Variants in ESRRB observed in about 807,000 individuals in gnomAD.
ESRRB encodes the protein estrogen related receptor beta.
ESRRB carries 16 observed loss-of-function variants against 46.0 expected under a neutral mutation model. The observed-to-expected ratio is 0.35, with a 90% CI of 0.24 to 0.53. The LOEUF (loss-of-function observed/expected upper bound fraction) is 0.53, where lower values mean the gene tolerates loss of function less well. ESRRB is among the 20% of genes least tolerant of loss of function. ESRRB has a pLI of 0.93. For missense variants in ESRRB, 488 were observed against 607.4 expected (o/e 0.80, Z 2.07); for synonymous variants, 246 against 259.6 (o/e 0.95, Z 0.50).
chr14:76,355,533 C>G (rs1262418856), intron 1 of ESRRB, among the ~76,000 whole-genome samples: 1 of 152,152 alleles, frequency 6.6e-6, no homozygotes, highest in Non-Finnish European at 1.5e-5. Flanking sequence ...ATTTGCAAGA[C>G]TTTCCCAGGC....
chr14:76,419,473 A>G (rs1036967748), intron 1 of ESRRB, among the ~76,000 whole-genome samples: 1 of 150,974 alleles, frequency 6.6e-6, no homozygotes, highest in Non-Finnish European at 1.5e-5. Flanking sequence ...GAGAATATTC[A>G]CCCCCGAGCC....
Position 76,498,699 on chromosome 14 carries a change from CT to C in ESRRB, c.*244del. ...GTAACTGGCTTTTTCTTTGGTATGT[CT>C]TTCCTTCTCCATGGACGGTGCGGAG... is the stretch of plus-strand genomic sequence containing the variant. On this transcript the variant is annotated 3_prime_UTR_variant, in exon 7 of 7. Transcript: ENST00000644823. 7.2e-7 allele frequency: 1 copy of C among 1,384,078 alleles called. No individual in the cohort carries two copies. Among genetic ancestry groups the C allele is most frequent in the Non-Finnish European group, 1.0e-6 (1 of 989,524 alleles). The allele number at this position is 1,384,078 out of a possible 1,614,324, so 85.7% of individuals were successfully genotyped here.
At chr14:76,338,147 C>T (rs1269858700) in intron 1 of ESRRB, among the ~76,000 whole-genome samples, 1 of 152,240 alleles carries the variant, frequency 6.6e-6, no homozygotes, top group Non-Finnish European at 1.5e-5. Flanking sequence ...ACAATTTCAT[C>T]CTGCTCCAGA....
At chr14:76,323,201 A>G (rs1323161130) in intron 1 of ESRRB, among the ~76,000 whole-genome samples, 1 of 151,860 alleles carries the variant, frequency 6.6e-6, no homozygotes, top group Non-Finnish European at 1.5e-5. Flanking sequence ...CCCAACAGAG[A>G]GATTTTTTGT....
At chr14:76,462,817 C>T (rs190943791) in intron 3 of ESRRB, among the ~76,000 whole-genome samples, 156 bp downstream of exon 3, 171 of 152,284 alleles carry the variant, frequency 1.1e-3, no homozygotes, top group African/African-American at 3.7e-3. Flanking sequence ...CCTGCCACGG[C>T]GCCCGCATGG....
At chr14:76,443,641 C>A (rs568473349) in intron 2 of ESRRB, among the ~76,000 whole-genome samples, 2 of 152,294 alleles carry the variant, frequency 1.3e-5, no homozygotes, top group South Asian at 4.1e-4. Flanking sequence ...AGAAGACAGT[C>A]ACATTTTCTT....
In ESRRB at chr14:76,321,160, C is replaced by G. The variant is rs563662450; in HGVS notation, c.2+10244C>G. Among the ~76,000 whole-genome samples, 25 of 152,288 alleles carry G rather than the reference C, an allele frequency of 1.6e-4. No homozygotes were observed. The Middle Eastern group carries it at 0.01, about 62-fold the overall frequency. On this transcript the variant is annotated intron_variant, in intron 1 of 6. Transcript: ENST00000512784. ...CCCGTAAGTCCTTAACTCTATTGGTCTCTGTGCCCCTTTCCATTTTTGCCT... is the reference window on the plus strand; with the variant it reads ...CCCGTAAGTCCTTAACTCTATTGGTGTCTGTGCCCCTTTCCATTTTTGCCT...
chr14:76,323,509 T>A (rs1482513707), intron 1 of ESRRB, among the ~76,000 whole-genome samples: 1 of 151,966 alleles, frequency 6.6e-6, no homozygotes, highest in Non-Finnish European at 1.5e-5. Flanking sequence ...AGGTCATCAC[T>A]TTTTTGCCCA....
Position 76,485,626 on chromosome 14 carries a change from T to TGAGAGAGAGAGAGAGAGAGAGAGAGA in ESRRB, c.850+2876_850+2901dup, listed in dbSNP as rs151021182. 1.3e-4 allele frequency among the ~76,000 whole-genome samples: 18 copies of TGAGAGAGAGAGAGAGAGAGAGAGAGA among 143,940 alleles called. No homozygotes were observed. In the East Asian group the frequency reaches 2.3e-3, roughly 18 times the overall value. The allele number at this position is 143,940 out of a possible 152,430, so 94.4% of individuals were successfully genotyped here. A position where few individuals can be genotyped will look rare whatever the true frequency, so the allele number is the denominator to read the frequency against. Reference sequence around the variant, plus strand: ...CATCTGAAGATGGGCTCCCTATCCCTGAGAGAGAGAGAGAGAGAGAGAGAG... The same window carrying TGAGAGAGAGAGAGAGAGAGAGAGAGA: ...CATCTGAAGATGGGCTCCCTATCCCTGAGAGAGAGAGAGAGAGAGAGAGAGAGAGAGAGAGAGAGAGAGAGAGAGAG... On this transcript the variant is annotated intron_variant, in intron 5 of 6. Coordinates refer to ENST00000644823, the MANE Select transcript of ESRRB (RefSeq NM_001379180.1).
At chr14:76,348,631 G>T (rs1216108594) in intron 1 of ESRRB, among the ~76,000 whole-genome samples, 2 of 152,192 alleles carry the variant, frequency 1.3e-5, no homozygotes, top group African/African-American at 4.8e-5. Flanking sequence ...CTGTCTCACA[G>T]GGATGCTATA....
At position 76,462,431 on chromosome 14, in the gene ESRRB, TA is replaced by T. The variant is rs2139991002; in HGVS notation, c.461-113del. On this transcript the variant is annotated intron_variant, in intron 2 of 6. Transcript: ENST00000644823. Reference sequence around the variant, plus strand: ...CTCAGAGCACCTGCTTTGAGAACACTAGGGGGGAGTGGCAGCTCTGGCAAAT... The same window carrying T: ...CTCAGAGCACCTGCTTTGAGAACACTGGGGGGAGTGGCAGCTCTGGCAAAT... The T allele has an allele frequency of 5.3e-6, 4 of 757,988 alleles. No individual in the cohort carries two copies. The East Asian group carries it at 1.1e-4, about 21-fold the overall frequency. The allele number at this position is 757,988 out of a possible 1,614,324, so 47.0% of individuals were successfully genotyped here. A position where few individuals can be genotyped will look rare whatever the true frequency, so the allele number is the denominator to read the frequency against.
rs369953445 is a variant in ESRRB at position 76,353,445 on chromosome 14, C to T, written c.2+42529C>T. Among the ~76,000 whole-genome samples, 19 of 152,332 alleles carry T rather than the reference C, an allele frequency of 1.2e-4. No homozygotes were observed. In the East Asian group the frequency reaches 1.5e-3, roughly 12 times the overall value. ...CCTAAGACTCGGGGATTACAGTTCC[C>T]GCCCTGCCTGCCTCTGTGTGGGTTT... On this transcript the variant is annotated intron_variant, in intron 1 of 6. Transcript: ENST00000512784.
chr14:76,422,525 A>C (rs1229422543), intron 1 of ESRRB, among the ~76,000 whole-genome samples: 2 of 152,050 alleles, frequency 1.3e-5, no homozygotes, highest in African/African-American at 4.8e-5. Flanking sequence ...TTTCCTTCTT[A>C]TACTCAGTTT....
chr14:76,343,146 G>T (rs922576145), intron 1 of ESRRB, among the ~76,000 whole-genome samples: 3 of 152,212 alleles, frequency 2.0e-5, no homozygotes, highest in Non-Finnish European at 4.4e-5. Flanking sequence ...GGATACAAAA[G>T]TCCGGGTCTT....
At chr14:76,464,388 T>C (rs1379255297) in intron 3 of ESRRB, among the ~76,000 whole-genome samples, 2 of 152,200 alleles carry the variant, frequency 1.3e-5, no homozygotes, top group Non-Finnish European at 2.9e-5. Context: ...TGGACCATCA[T>C]GTGCTATAGA....
chr14:76,456,055 C>CAT (rs1888596268), intron 2 of ESRRB, among the ~76,000 whole-genome samples: 1 of 145,626 alleles, frequency 6.9e-6, no homozygotes, highest in African/African-American at 2.5e-5. Context: ...CACACACACA[C>CAT]ACACACACAC....
intron 1 of ESRRB, among the ~76,000 whole-genome samples, chr14:76,421,088 C>T (rs928573611): frequency 1.3e-5 from 2 of 152,202 alleles, no homozygotes; most frequent in Non-Finnish European, 2.9e-5. Context: ...TCTGTTTGGC[C>T]TGCCAGCTGT....
intron 1 of ESRRB, among the ~76,000 whole-genome samples, chr14:76,415,428 G>A (rs1019380807): frequency 1.3e-5 from 2 of 152,138 alleles, no homozygotes; most frequent in African/African-American, 2.4e-5. Context: ...TTGGGAGGCC[G>A]AGACGGGCAG....
chr14:76,445,379 G>A (rs141357227), intron 2 of ESRRB, among the ~76,000 whole-genome samples: 1 of 146,702 alleles, frequency 6.8e-6, no homozygotes, highest in African/African-American at 2.5e-5. Flanking sequence ...GCTGAGACAG[G>A]AGAATTGCTT....
Sources: allele counts gnomAD v4.1 joint callset (sites outside exome capture counted in the v4.1 genomes callset), GRCh38; gene constraint gnomAD v4.1.1; transcripts MANE v1.5; gene names NCBI Gene and HGNC (gene_info 2026-07-23, HGNC 2026-07-21).